The following RBFOX1 variants were observed in gnomAD, a reference collection of about 807,000 sequenced individuals.
The protein encoded by RBFOX1 is RNA binding protein fox-1 homolog 1.
In RBFOX1, 8 loss-of-function variants were observed where a neutral mutation model predicts 57.7. The ratio of observed to expected loss-of-function variants is 0.14; its 90% CI spans 0.08 to 0.25. The LOEUF (loss-of-function observed/expected upper bound fraction) is 0.25. Among genes scored for constraint, RBFOX1 ranks in the 10% least tolerant of loss-of-function variants. RBFOX1 has a pLI of 1.00. For synonymous variants in RBFOX1, 326 were observed against 222.4 expected, an observed-to-expected ratio of 1.47 and a Z score of -4.15; for missense variants, 611 against 548.5, an observed-to-expected ratio of 1.11 and a Z score of -1.14.
chr16:5,574,050 C>G (rs1184441168), intron 2 of RBFOX1, among the ~76,000 whole-genome samples: 1 of 152,364 alleles, frequency 6.6e-6, no homozygotes, highest in East Asian at 1.9e-4. Flanking sequence ...CGATGCCATT[C>G]TTCTGATGAG....
At chr16:6,402,035 C>G (rs994804808) in intron 2 of RBFOX1, among the ~76,000 whole-genome samples, 1 of 149,618 alleles carries the variant, frequency 6.7e-6, no homozygotes, top group South Asian at 2.1e-4. Flanking sequence ...ATACCTTTGT[C>G]TAATGGTGGG....
At chr16:7,358,646 C>T (rs573759854) in intron 4 of RBFOX1, among the ~76,000 whole-genome samples, 1 of 152,160 alleles carries the variant, frequency 6.6e-6, no homozygotes, top group African/African-American at 2.4e-5. Context: ...TCTCAAACTC[C>T]TGGCCTCAGG....
intron 1 of RBFOX1, among the ~76,000 whole-genome samples, chr16:6,100,097 A>C (rs891536437): frequency 1.8e-4 from 28 of 152,166 alleles, no homozygotes; most frequent in African/African-American, 6.8e-4. Context: ...AAAGTAGTCA[A>C]CTTCAGCTTA....
In RBFOX1 at chr16:5,454,789, CTCTT is replaced by C. The variant is rs773064617; in HGVS notation, c.220-12412_220-12409del. ...TTTCTCTTTCTTTCTTTCTTTCTTTCTCTTTCTTTCTTTCTTTCCCTTTCCTTTC... is the reference window on the plus strand; with the variant it reads ...TTTCTCTTTCTTTCTTTCTTTCTTTCTCTTTCTTTCTTTCCCTTTCCTTTC... On this transcript the variant is annotated intron_variant, in intron 1 of 2. Transcript: ENST00000585867. Among the ~76,000 whole-genome samples, 272 of 127,824 alleles carry C rather than the reference CTCTT, an allele frequency of 2.1e-3. 4 individuals carry two copies. The highest frequency in any genetic ancestry group is 6.1e-3 in the African/African-American group (206 of 33,502). The allele number at this position is 127,824 out of a possible 152,430, so 83.9% of individuals were successfully genotyped here.
chr16:5,267,241 C>T (rs775552454), intron 1 of RBFOX1, among the ~76,000 whole-genome samples: 15 of 151,984 alleles, frequency 9.9e-5, no homozygotes, highest in Non-Finnish European at 1.5e-4. Flanking sequence ...TAACATACAC[C>T]CATGTACATA....
intron 2 of RBFOX1, among the ~76,000 whole-genome samples, chr16:6,485,687 C>A (rs1008184544): frequency 6.6e-6 from 1 of 152,120 alleles, no homozygotes; most frequent in Non-Finnish European, 1.5e-5. Context: ...TTTGAAAACA[C>A]TTTTACTATG....
At chr16:7,384,682 T>C (rs59018617) in intron 4 of RBFOX1, among the ~76,000 whole-genome samples, 2,466 of 152,290 alleles carry the variant, frequency 0.016, 76 homozygotes, top group African/African-American at 0.056. Context: ...GACCATCCTG[T>C]AATGACAACC....
chr16:6,377,856 A>G (rs898821882), intron 2 of RBFOX1, among the ~76,000 whole-genome samples: 4 of 152,294 alleles, frequency 2.6e-5, no homozygotes, highest in South Asian at 2.1e-4. Flanking sequence ...TTCCCAGACT[A>G]TGGAAGTGCT....
intron 2 of RBFOX1, among the ~76,000 whole-genome samples, chr16:6,643,050 C>T (rs2098505426): frequency 6.6e-6 from 1 of 152,168 alleles, no homozygotes; most frequent in South Asian, 2.1e-4. Flanking sequence ...GCATCTCTGC[C>T]ACGCTGAACC....
In RBFOX1 at chr16:6,299,417, G is replaced by C. The variant is rs2078530713; in HGVS notation, c.-126-17578G>C. The stretch of plus-strand genomic sequence containing the variant: ...GTTTTGAGATGAGTGGCAGTATCAT[G>C]ACTTCCATATTACGGGTGTAAAGAT... On this transcript the variant is annotated intron_variant, in intron 1 of 15. Coordinates refer to ENST00000550418, the MANE Select transcript of RBFOX1 (RefSeq NM_018723.4). Among the ~76,000 whole-genome samples the C allele has an allele frequency of 2.0e-5, 3 of 152,184 alleles. No homozygotes were observed. The South Asian group carries it at 6.2e-4, about 32-fold the overall frequency.
chr16:5,885,859 G>T (rs978030794), intron 4 of RBFOX1, among the ~76,000 whole-genome samples: 8 of 152,138 alleles, frequency 5.3e-5, no homozygotes, highest in African/African-American at 1.9e-4. Flanking sequence ...CTGGGTTACT[G>T]ATACAGGTTG....
chr16:6,251,893 T>TA (rs1170259302), intron 1 of RBFOX1, among the ~76,000 whole-genome samples: 1 of 152,082 alleles, frequency 6.6e-6, no homozygotes, highest in Non-Finnish European at 1.5e-5. Context: ...TGACCTTACT[T>TA]ACAAGGCGGC....
intron 2 of RBFOX1, among the ~76,000 whole-genome samples, chr16:5,549,344 T>TTG (rs2045364154): frequency 6.6e-6 from 1 of 152,196 alleles, no homozygotes; most frequent in Admixed American, 6.5e-5. Flanking sequence ...CCCCTGCTGG[T>TTG]AACTGGATCT....
At chr16:6,791,644 A>G (rs989151471) in intron 3 of RBFOX1, among the ~76,000 whole-genome samples, 6 of 152,254 alleles carry the variant, frequency 3.9e-5, no homozygotes, top group African/African-American at 1.4e-4. Context: ...TTGTAGTCCC[A>G]GCTACTCGGG....
intron 2 of RBFOX1, among the ~76,000 whole-genome samples, chr16:6,430,455 C>G (rs114149991): frequency 0.02 from 3,034 of 152,228 alleles, 101 homozygotes; most frequent in African/African-American, 0.068. Flanking sequence ...CAGAGAAGAG[C>G]TTTGAAGAAG....
chr16:7,114,797 C>T (rs989293787), intron 4 of RBFOX1, among the ~76,000 whole-genome samples: 1 of 152,082 alleles, frequency 6.6e-6, no homozygotes, highest in Non-Finnish European at 1.5e-5. Flanking sequence ...ACTCGTTGTC[C>T]TAAGTTTTAG....
chr16:6,855,091 A>G (rs1400140848), intron 3 of RBFOX1, among the ~76,000 whole-genome samples: 1 of 152,046 alleles, frequency 6.6e-6, no homozygotes, highest in African/African-American at 2.4e-5. Context: ...CCAACAGAAG[A>G]GAAGGATGCT....
chr16:6,465,198 T>C (rs1489156819), intron 2 of RBFOX1, among the ~76,000 whole-genome samples: 1 of 152,214 alleles, frequency 6.6e-6, no homozygotes. Context: ...TCTAAGACTA[T>C]ATAGATGTGT....
At chr16:6,252,220 T>G (rs2097620741) in intron 1 of RBFOX1, among the ~76,000 whole-genome samples, 1 of 152,070 alleles carries the variant, frequency 6.6e-6, no homozygotes, top group African/African-American at 2.4e-5. Flanking sequence ...AGAGAGCCCT[T>G]CTGCCATTTC....
Sources: gnomAD v4.1 joint callset for allele counts (sites outside exome capture counted in the v4.1 genomes callset) on GRCh38, gnomAD v4.1.1 for gene constraint, MANE v1.5 for transcripts, NCBI Gene and HGNC (gene_info 2026-07-23, HGNC 2026-07-21) for gene names.